Variants in LRRC37A2 observed in about 807,000 individuals in gnomAD.
LRRC37A2 encodes the protein leucine rich repeat containing 37 member A2, also known as leucine-rich repeat-containing protein 37A2.
Under a neutral mutation model 68.8 loss-of-function variants are expected in LRRC37A2, and 9 were observed. That is an observed-to-expected ratio of 0.13 (90% CI 0.08 to 0.23). The LOEUF (loss-of-function observed/expected upper bound fraction) is 0.23, where lower values mean the gene tolerates loss of function less well. Ranked by LOEUF, LRRC37A2 falls within the 10% of genes least tolerant of loss-of-function variation. LRRC37A2 has a pLI of 1.00. For missense variants in LRRC37A2, 168 were observed against 950.4 expected (o/e 0.18, Z 10.82); for synonymous variants, 63 against 367.6 (o/e 0.17, Z 9.48).
chr17:46,882,421 G>A, the LRRC37A2 span, among the ~76,000 whole-genome samples: 1 of 152,186 alleles, frequency 6.6e-6, no homozygotes, highest in African/African-American at 2.4e-5. Context: ...CTTGGGTGAT[G>A]TGTATCCTAT....
chr17:46,787,323 A>C, the LRRC37A2 span, among the ~76,000 whole-genome samples: 2 of 151,950 alleles, frequency 1.3e-5, no homozygotes, highest in South Asian at 2.1e-4. Context: ...GAACAATAGG[A>C]GTGTCCTGGA....
the LRRC37A2 span, among the ~76,000 whole-genome samples, chr17:46,852,555 G>T: frequency 6.8e-6 from 1 of 146,446 alleles, no homozygotes; most frequent in Non-Finnish European, 1.5e-5. Flanking sequence ...TGGAGCAAAA[G>T]TTATAGGGCA....
chr17:46,758,809 C>T, the LRRC37A2 span, among the ~76,000 whole-genome samples: 1 of 152,162 alleles, frequency 6.6e-6, no homozygotes. Flanking sequence ...CTTGTTGAAA[C>T]AGTGAGTCAG....
the LRRC37A2 span, among the ~76,000 whole-genome samples, chr17:46,776,783 C>G: frequency 6.6e-6 from 1 of 152,246 alleles, no homozygotes; most frequent in East Asian, 1.9e-4. Context: ...GCTCCTTCCT[C>G]TGGTGTTTGG....
chr17:46,965,559 A>G, the LRRC37A2 span, among the ~76,000 whole-genome samples: 1 of 152,168 alleles, frequency 6.6e-6, no homozygotes, highest in Non-Finnish European at 1.5e-5. Flanking sequence ...TCCAATTTCC[A>G]GGAAATCCTC....
At chr17:46,932,002 C>G in the LRRC37A2 span, 2 of 1,471,534 alleles carry the variant, frequency 1.4e-6, no homozygotes, top group Admixed American at 3.3e-5. Context: ...AGTACAAAGC[C>G]TGGCCCCCTC....
At chr17:46,927,482 T>C in the LRRC37A2 span, among the ~76,000 whole-genome samples, 1 of 152,256 alleles carries the variant, frequency 6.6e-6, no homozygotes, top group Non-Finnish European at 1.5e-5. Flanking sequence ...AGGTCATTTA[T>C]GCACACCTGT....
chr17:46,844,219 A>G, the LRRC37A2 span, among the ~76,000 whole-genome samples: 1 of 151,964 alleles, frequency 6.6e-6, no homozygotes, highest in African/African-American at 2.4e-5. Flanking sequence ...AGTCTCCCAG[A>G]ATGCTAGGAT....
At chr17:46,816,473 A>ATG in the LRRC37A2 span, among the ~76,000 whole-genome samples, 3 of 77,412 alleles carry the variant, frequency 3.9e-5, no homozygotes, top group Non-Finnish European at 6.9e-5. Flanking sequence ...CCCAGAACAC[A>ATG]CGCACACACA....
the LRRC37A2 span, chr17:47,027,503 C>CATTTAATAA: frequency 1.2e-6 from 1 of 830,456 alleles, no homozygotes; most frequent in Non-Finnish European, 2.1e-6. Flanking sequence ...ATTATTCATA[C>CATTTAATAA]CAATCAACAT....
chr17:46,620,486 G>A, the LRRC37A2 span, among the ~76,000 whole-genome samples: 1 of 14 alleles, frequency 0.071, no homozygotes, highest in African/African-American at 0.1. Flanking sequence ...CACCACGCCC[G>A]GCTAATTTTT....
At chr17:46,690,611 C>CA in the LRRC37A2 span, among the ~76,000 whole-genome samples, 470 of 91,802 alleles carry the variant, frequency 5.1e-3, 11 homozygotes, top group East Asian at 0.07. Flanking sequence ...GACTCCGTCT[C>CA]AAAAAAAAAA....
chr17:46,946,625 G>C, the LRRC37A2 span, among the ~76,000 whole-genome samples: 1 of 152,168 alleles, frequency 6.6e-6, no homozygotes, highest in Admixed American at 6.5e-5. Flanking sequence ...CACTTTGGGA[G>C]GCCAAAGCAG....
the LRRC37A2 span, among the ~76,000 whole-genome samples, chr17:46,823,619 T>C: frequency 2.0e-5 from 3 of 152,146 alleles, no homozygotes; most frequent in African/African-American, 7.2e-5. Flanking sequence ...TGTGTTTTTT[T>C]GGTAGAGACA....
At chr17:46,888,117 C>T in the LRRC37A2 span, among the ~76,000 whole-genome samples, 1 of 152,056 alleles carries the variant, frequency 6.6e-6, no homozygotes, top group Non-Finnish European at 1.5e-5. Context: ...TTTTCACAAG[C>T]GGGAGTGTGC....
chr17:46,845,518 C>CT, the LRRC37A2 span, among the ~76,000 whole-genome samples: 5 of 130,034 alleles, frequency 3.8e-5, no homozygotes, highest in African/African-American at 5.9e-5. Flanking sequence ...GAGACAGAGT[C>CT]TTGCTCTGTC....
the LRRC37A2 span, chr17:46,876,862 C>T: frequency 1.4e-6 from 2 of 1,404,594 alleles, no homozygotes; most frequent in Admixed American, 6.2e-5. Flanking sequence ...GTGCCACTCA[C>T]CACCATTCCT....
the LRRC37A2 span, among the ~76,000 whole-genome samples, chr17:46,818,207 G>A: frequency 6.6e-5 from 10 of 152,096 alleles, no homozygotes; most frequent in Admixed American, 6.5e-5. Flanking sequence ...GCAAATGGGG[G>A]GTCTTCGGGG....
At chr17:46,947,004 C>T in the LRRC37A2 span, among the ~76,000 whole-genome samples, 3 of 152,046 alleles carry the variant, frequency 2.0e-5, no homozygotes, top group Admixed American at 2.0e-4. Context: ...GAAGGTGGGA[C>T]GGGGGCCAGA....
Sources: gnomAD v4.1 joint callset for allele counts (sites outside exome capture counted in the v4.1 genomes callset) on GRCh38, gnomAD v4.1.1 for gene constraint, MANE v1.5 for transcripts, NCBI Gene and HGNC (gene_info 2026-07-23, HGNC 2026-07-21) for gene names.